Variants in CACNA1C observed in about 807,000 individuals in gnomAD.
The protein encoded by CACNA1C is calcium voltage-gated channel subunit alpha1 C.
Under a neutral mutation model 229.0 loss-of-function variants are expected in CACNA1C, and 30 were observed. The observed-to-expected ratio is 0.13, with a 90% CI of 0.10 to 0.18. The LOEUF is 0.18. CACNA1C is among the 10% of genes least tolerant of loss of function. The pLI is 1.00. For missense variants in CACNA1C, 1,658 were observed against 2,845.0 expected (o/e 0.58, Z 9.49); for synonymous variants, 1,114 against 1,132.5 (o/e 0.98, Z 0.33).
chr12:2,330,997 A>G (rs1257621057), intron 3 of CACNA1C, among the ~76,000 whole-genome samples: 1 of 152,208 alleles, frequency 6.6e-6, no homozygotes, highest in Admixed American at 6.5e-5. Flanking sequence ...TGCATCAGGA[A>G]TAAAAGAGCA....
At chr12:2,242,225 A>G (rs190975078) in intron 3 of CACNA1C, among the ~76,000 whole-genome samples, 15 of 152,272 alleles carry the variant, frequency 9.9e-5, no homozygotes, top group Admixed American at 9.8e-4. Context: ...GCAAACTTAA[A>G]TCTTGCTGAA....
At position 2,695,771 on chromosome 12, in the gene CACNA1C, T is replaced by G. The variant is rs1952051549; in HGVS notation, c.*4572T>G. The G allele has an allele frequency of 6.6e-6, 1 of 152,252 alleles. No homozygotes were observed. Among genetic ancestry groups the G allele is most frequent in the African/African-American group, 2.4e-5 (1 of 41,462 alleles). 9.4% of individuals were successfully genotyped at this position (152,252 alleles called of 1,614,324 possible). The stretch of plus-strand genomic sequence containing the variant: ...TTGTGAAGCCTCTTCTGGGTTTAAC[T>G]TCATTCATCAATTTATTCTTATGTC... On this transcript the variant is annotated 3_prime_UTR_variant, in exon 47 of 47. Transcript: ENST00000399655.
At chr12:2,031,731 A>G (rs2048255535) in intron 1 of CACNA1C, among the ~76,000 whole-genome samples, 1 of 152,114 alleles carries the variant, frequency 6.6e-6, no homozygotes, top group Non-Finnish European at 1.5e-5. Context: ...GGATTTTACT[A>G]TACAGTAAGG....
intron 10 of CACNA1C, among the ~76,000 whole-genome samples, chr12:2,553,106 C>A (rs1282350475): frequency 6.6e-6 from 1 of 152,136 alleles, no homozygotes; most frequent in Non-Finnish European, 1.5e-5. Context: ...GAAGAGGAGT[C>A]CCAGAGTCTA....
At chr12:2,625,067 A>G (rs897370353) in intron 29 of CACNA1C, among the ~76,000 whole-genome samples, 9 of 152,174 alleles carry the variant, frequency 5.9e-5, no homozygotes, top group African/African-American at 2.2e-4. Context: ...GGCAGGCCCC[A>G]GCTTTGCCAG....
chr12:2,614,642 G>T (rs1043667445), intron 29 of CACNA1C: 1 of 152,194 alleles, frequency 6.6e-6, no homozygotes, highest in East Asian at 1.9e-4. Flanking sequence ...ACTCTGTGCT[G>T]CACTTTTTAT....
intron 9 of CACNA1C, among the ~76,000 whole-genome samples, chr12:2,513,216 C>G (rs1353908353): frequency 6.6e-6 from 1 of 152,232 alleles, no homozygotes; most frequent in African/African-American, 2.4e-5. Context: ...GAATATTTCA[C>G]CTTGAAAGAC....
At chr12:2,513,823 A>G (rs939292871) in intron 9 of CACNA1C, among the ~76,000 whole-genome samples, 1 of 151,840 alleles carries the variant, frequency 6.6e-6, no homozygotes, top group Non-Finnish European at 1.5e-5. Context: ...AACTGTGGGA[A>G]TGGGGCCCAG....
At chr12:2,553,201 G>A (rs1261669167) in intron 10 of CACNA1C, among the ~76,000 whole-genome samples, 5 of 152,180 alleles carry the variant, frequency 3.3e-5, no homozygotes, top group African/African-American at 1.2e-4. Context: ...GGAAAAAGAA[G>A]GGTCAGACTG....
rs1239248123 is a variant in CACNA1C at position 2,666,680 on chromosome 12, T to A, written c.4527-6T>A. The A allele has an allele frequency of 2.5e-6, 4 of 1,575,026 alleles. No individual in the cohort carries two copies. Among genetic ancestry groups the A allele is most frequent in the Middle Eastern group, 1.7e-4 (1 of 6,030 alleles). On this transcript the variant is annotated splice_polypyrimidine_tract_variant and splice_region_variant and intron_variant, in intron 36 of 46. Coordinates refer to ENST00000399655, the MANE Select transcript of CACNA1C (RefSeq NM_000719.7). The surrounding 1 kb of genome is among the most constrained non-coding windows in gnomAD (Gnocchi z 5.3). ...TGCCCTGTCCCTCCTCTCCCTCCTCTTCTAGGGGTCGTATCAAACACCTGG... is the reference window on the plus strand; with the variant it reads ...TGCCCTGTCCCTCCTCTCCCTCCTCATCTAGGGGTCGTATCAAACACCTGG...
In CACNA1C at chr12:2,187,946, C is replaced by T. The variant is rs1598478463; in HGVS notation, c.477+67516C>T. On this transcript the variant is annotated intron_variant, in intron 3 of 46. Transcript: ENST00000399655. ...GGATGCCAGGAGAGGCACCTTGGCC[C>T]CTGCTGTGGTATTGGCCACAGGTTG... Among the ~76,000 whole-genome samples the T allele has an allele frequency of 1.3e-5, 2 of 152,342 alleles. 1 individual carries two copies. The highest frequency in any genetic ancestry group is 6.8e-3 in the Middle Eastern group (2 of 294).
intron 1 of CACNA1C, among the ~76,000 whole-genome samples, chr12:2,085,556 A>G (rs1490821748): frequency 1.3e-5 from 2 of 152,134 alleles, no homozygotes; most frequent in Admixed American, 6.5e-5. Flanking sequence ...AGCTAATTCA[A>G]TTGAGTGGGG....
intron 9 of CACNA1C, among the ~76,000 whole-genome samples, chr12:2,529,065 T>C (rs553792861): frequency 6.6e-6 from 1 of 152,350 alleles, no homozygotes; most frequent in East Asian, 1.9e-4. Flanking sequence ...AGGAGGCTTG[T>C]AGAAGTTTAG....
At chr12:2,577,938 G>A (rs1450085739) in intron 13 of CACNA1C, among the ~76,000 whole-genome samples, 4 of 150,430 alleles carry the variant, frequency 2.7e-5, no homozygotes, top group Non-Finnish European at 4.4e-5. Flanking sequence ...GCGCGATCTC[G>A]GCTCACTGCA....
chr12:2,210,989 C>G (rs538984010), intron 3 of CACNA1C, among the ~76,000 whole-genome samples: 1 of 152,284 alleles, frequency 6.6e-6, no homozygotes, highest in South Asian at 2.1e-4. Flanking sequence ...AATGGAGGAA[C>G]TATCTCTTGG....
chr12:2,628,886 G>A (rs1442210864), intron 29 of CACNA1C, among the ~76,000 whole-genome samples: 1 of 152,132 alleles, frequency 6.6e-6, no homozygotes, highest in Non-Finnish European at 1.5e-5. Flanking sequence ...TTTTTTTAAA[G>A]GTAGAAATTC....
At chr12:2,384,340 T>C (rs187977148) in intron 3 of CACNA1C, among the ~76,000 whole-genome samples, 16 of 152,356 alleles carry the variant, frequency 1.1e-4, no homozygotes, top group African/African-American at 3.8e-4. Context: ...GTGCAAGTTG[T>C]TCTTTCTGAC....
At chr12:2,327,968 G>A (rs1030797883) in intron 3 of CACNA1C, among the ~76,000 whole-genome samples, 6 of 152,136 alleles carry the variant, frequency 3.9e-5, no homozygotes, top group African/African-American at 1.4e-4. Flanking sequence ...TGAATATCCA[G>A]TTCAAAAGAT....
At position 2,410,474 on chromosome 12, in the gene CACNA1C, C is replaced by T. The variant is rs924480561; in HGVS notation, c.478-38502C>T. Among the ~76,000 whole-genome samples, 8 of 152,342 alleles carry T rather than the reference C, an allele frequency of 5.3e-5. No homozygotes were observed. Among genetic ancestry groups the T allele is most frequent in the African/African-American group, 1.9e-4 (8 of 41,594 alleles). On this transcript the variant is annotated intron_variant, in intron 3 of 46. Coordinates refer to ENST00000399655, the MANE Select transcript of CACNA1C (RefSeq NM_000719.7). This position sits in a 1 kb window ranked among gnomAD's most constrained non-coding sequence, Gnocchi z 5.3. ...TTCGTTTTCAAAGGACCATGATTTC[C>T]ATGGATTACTTTGTGCAAAGGATGC...
Sources: allele counts gnomAD v4.1 joint callset (sites outside exome capture counted in the v4.1 genomes callset), GRCh38; gene constraint gnomAD v4.1.1; non-coding constraint Gnocchi (gnomAD v3.1); transcripts MANE v1.5; gene names NCBI Gene and HGNC (gene_info 2026-07-23, HGNC 2026-07-21).